The following ELAVL2 variants were observed in gnomAD, a reference collection of about 807,000 sequenced individuals.
ELAVL2 encodes the protein ELAV-like protein 2.
A neutral mutation model predicts 34.6 loss-of-function variants in ELAVL2; 4 were observed. The ratio of observed to expected loss-of-function variants is 0.12; its 90% CI spans 0.06 to 0.26. The LOEUF (loss-of-function observed/expected upper bound fraction) is 0.26, where lower values mean the gene tolerates loss of function less well. Among genes scored for constraint, ELAVL2 ranks in the 10% least tolerant of loss-of-function variants. The probability of loss-of-function intolerance (pLI) is 1.00; values close to 1 mark genes in which losing one functional copy is unlikely to be tolerated. For missense variants in ELAVL2, 432 were observed against 442.8 expected (o/e 0.98, Z 0.22); for synonymous variants, 193 against 154.8 (o/e 1.25, Z -1.83).
intron 1 of ELAVL2, among the ~76,000 whole-genome samples, chr9:23,786,444 A>G (rs1192364472): frequency 6.6e-6 from 1 of 152,140 alleles, no homozygotes; most frequent in Non-Finnish European, 1.5e-5. Context: ...CAACAACCCA[A>G]AGGTGATTAC....
At chr9:23,811,525 A>G (rs540230753) in intron 1 of ELAVL2, among the ~76,000 whole-genome samples, 2 of 152,256 alleles carry the variant, frequency 1.3e-5, no homozygotes, top group African/African-American at 4.8e-5. Context: ...TCTGAAAAGC[A>G]CCCCAGCTTC....
intron 2 of ELAVL2, among the ~76,000 whole-genome samples, chr9:23,736,275 AT>A (rs1564170665): frequency 6.6e-6 from 1 of 152,182 alleles, no homozygotes; most frequent in African/African-American, 2.4e-5. Context: ...AAAATTTTGT[AT>A]TTAAAAAAAA....
intron 2 of ELAVL2, among the ~76,000 whole-genome samples, chr9:23,743,844 G>A (rs746707199): frequency 2.6e-5 from 4 of 152,054 alleles, no homozygotes; most frequent in Non-Finnish European, 5.9e-5. Context: ...TACTCGATTT[G>A]CTTATTCACA....
At chr9:23,762,307 T>G (rs535863602) in intron 1 of ELAVL2, 58 bp from the exon 2 acceptor site, 2 of 1,566,568 alleles carry the variant, frequency 1.3e-6, no homozygotes, top group African/African-American at 1.4e-5. Context: ...TATTAGAGAC[T>G]CCATCCAAGA....
intron 3 of ELAVL2, among the ~76,000 whole-genome samples, chr9:23,718,479 C>A (rs10966042): frequency 0.15 from 22,872 of 152,046 alleles, 1,813 homozygotes; most frequent in African/African-American, 0.19. Flanking sequence ...GAAACTGTAC[C>A]AGTTTTTTAA....
chr9:23,730,786 A>G (rs540525376), intron 3 of ELAVL2, among the ~76,000 whole-genome samples: 1 of 152,190 alleles, frequency 6.6e-6, no homozygotes, highest in South Asian at 2.1e-4. Context: ...GGCTTCCTAT[A>G]ACATTTATCT....
At chr9:23,761,427 C>T (rs976105525) in intron 2 of ELAVL2, among the ~76,000 whole-genome samples, 1 of 151,934 alleles carries the variant, frequency 6.6e-6, no homozygotes, top group Non-Finnish European at 1.5e-5. Flanking sequence ...TCAAAATGTA[C>T]TATAATTAAG....
At chr9:23,770,788 T>C (rs995784955) in intron 1 of ELAVL2, among the ~76,000 whole-genome samples, 8 of 152,194 alleles carry the variant, frequency 5.3e-5, no homozygotes, top group African/African-American at 9.6e-5. Flanking sequence ...AAATCTTGTA[T>C]TGTTTTAAGC....
chr9:23,847,507 C>T, the ELAVL2 span: 1 of 151,970 alleles, frequency 6.6e-6, no homozygotes, highest in Non-Finnish European at 1.5e-5. Context: ...AAGCTTTCTG[C>T]TATTTGTAAA....
intron 2 of ELAVL2, among the ~76,000 whole-genome samples, chr9:23,741,259 TC>T (rs1192259837): frequency 1.3e-5 from 2 of 152,068 alleles, no homozygotes; most frequent in Non-Finnish European, 2.9e-5. Flanking sequence ...ACGTAAGGCA[TC>T]TATGTAGAGG....
intron 3 of ELAVL2, among the ~76,000 whole-genome samples, chr9:23,722,394 T>G (rs1439365413): frequency 6.6e-6 from 1 of 152,340 alleles, no homozygotes; most frequent in Middle Eastern, 3.4e-3. Flanking sequence ...GTTAACTCAC[T>G]TATCTGCTAA....
chr9:23,800,889 C>G (rs1488397290), intron 1 of ELAVL2, among the ~76,000 whole-genome samples: 1 of 152,068 alleles, frequency 6.6e-6, no homozygotes, highest in Non-Finnish European at 1.5e-5. Context: ...TCACATTAAA[C>G]AGAAGCCACA....
the ELAVL2 span, among the ~76,000 whole-genome samples, chr9:23,845,239 G>A: frequency 4.6e-5 from 7 of 151,426 alleles, no homozygotes; most frequent in Admixed American, 1.3e-4. Flanking sequence ...ACTTTTATAT[G>A]TATAATTACA....
At chr9:23,699,757 G>A (rs766381559) in intron 5 of ELAVL2, among the ~76,000 whole-genome samples, 95 of 139,546 alleles carry the variant, frequency 6.8e-4, no homozygotes, top group Non-Finnish European at 1.1e-3. Flanking sequence ...GCAGCCCCAC[G>A]CATCTCCCAC....
intron 3 of ELAVL2, among the ~76,000 whole-genome samples, chr9:23,724,207 T>C (rs2044492360): frequency 6.6e-6 from 1 of 152,180 alleles, no homozygotes; most frequent in Non-Finnish European, 1.5e-5. Flanking sequence ...TCTTCTACCA[T>C]CACTATCCAC....
At chr9:23,702,491 G>A (rs138602155) in intron 4 of ELAVL2, among the ~76,000 whole-genome samples, 99 of 151,980 alleles carry the variant, frequency 6.5e-4, no homozygotes, top group African/African-American at 2.3e-3. Context: ...AGGCTAGTGG[G>A]GTGACCACAG....
intron 3 of ELAVL2, among the ~76,000 whole-genome samples, chr9:23,707,443 G>C (rs549815730): frequency 9.9e-5 from 15 of 152,266 alleles, no homozygotes; most frequent in African/African-American, 3.6e-4. Flanking sequence ...TCCAGATCAT[G>C]TGACTGAAGT....
intron 3 of ELAVL2, among the ~76,000 whole-genome samples, chr9:23,714,359 T>C (rs2041776732): frequency 6.6e-6 from 1 of 152,228 alleles, no homozygotes. Flanking sequence ...ATGAGGCTTC[T>C]TCCAAATCCA....
rs181725906 is a variant in ELAVL2, at chr9:23,712,410, G to A, written c.334-7339C>T. 1.5e-3 allele frequency among the ~76,000 whole-genome samples: 228 copies of A among 152,138 alleles called. 1 individual carries two copies. The highest frequency in any genetic ancestry group is 5.4e-3 in the African/African-American group (224 of 41,514). On this transcript the variant is annotated intron_variant, in intron 3 of 6. Coordinates refer to ENST00000397312, the MANE Select transcript of ELAVL2 (RefSeq NM_004432.5). ...ATAAGAACCTTAGCTTTGCTACATAGAATATTTTCTTGTATACACATAAGG... is the reference window on the plus strand; with the variant it reads ...ATAAGAACCTTAGCTTTGCTACATAAAATATTTTCTTGTATACACATAAGG...
Sources: allele counts gnomAD v4.1 joint callset (sites outside exome capture counted in the v4.1 genomes callset), GRCh38; gene constraint gnomAD v4.1.1; transcripts MANE v1.5; gene names NCBI Gene and HGNC (gene_info 2026-07-23, HGNC 2026-07-21).